Variants in CREB5 observed in about 807,000 individuals in gnomAD.
CREB5 encodes cyclic AMP-responsive element-binding protein 5.
Under a neutral mutation model 57.1 loss-of-function variants are expected in CREB5, and 19 were observed. That is an observed-to-expected ratio of 0.33 (90% confidence interval 0.23 to 0.49). The LOEUF is 0.49. CREB5 is among the 20% of genes least tolerant of loss of function. CREB5 has a pLI of 0.99. For missense variants in CREB5, 579 were observed against 671.6 expected, an observed-to-expected ratio of 0.86 and a Z score of 1.52; for synonymous variants, 238 against 238.3, an observed-to-expected ratio of 1.00 and a Z score of 0.01.
At chr7:28,332,439 G>A (rs1392380807) in intron 1 of CREB5, among the ~76,000 whole-genome samples, 1 of 152,150 alleles carries the variant, frequency 6.6e-6, no homozygotes, top group African/African-American at 2.4e-5. Flanking sequence ...TAAGTGCATA[G>A]CCTGATGACT....
intron 4 of CREB5, among the ~76,000 whole-genome samples, chr7:28,560,845 C>CGTGCGTGCGCGTGCGTGCGTGCGCGCGT: frequency 2.4e-5 from 1 of 41,362 alleles, no homozygotes; most frequent in South Asian, 7.9e-4. Flanking sequence ...TGTGTGTGTG[C>CGTGCGTGCGCGTGCGTGCGTGCGCGCGT]GCGTGTGTGT....
rs1194032158 is a variant in CREB5, at chr7:28,737,544, T to C, written c.702+13212T>C. Among the ~76,000 whole-genome samples, 7 of 6,286 alleles carry C rather than the reference T, an allele frequency of 1.1e-3. 1 individual carries two copies. The highest frequency in any genetic ancestry group is 7.4e-4 in the Non-Finnish European group (2 of 2,700). The allele number at this position is 6,286 out of a possible 152,430, so 4.1% of individuals were successfully genotyped here. Reference sequence around the variant, plus strand: ...GTATATATGTATATATATACGTATATATATATATATATATATATATATATA... The same window carrying C: ...GTATATATGTATATATATACGTATACATATATATATATATATATATATATA... On this transcript the variant is annotated intron_variant, in intron 7 of 10. Coordinates refer to ENST00000357727, the MANE Select transcript of CREB5 (RefSeq NM_182898.4).
intron 1 of CREB5, among the ~76,000 whole-genome samples, chr7:28,483,131 T>C (rs1791403186): frequency 6.6e-6 from 1 of 152,260 alleles, no homozygotes; most frequent in Non-Finnish European, 1.5e-5. Flanking sequence ...AATAGGTATT[T>C]ACAGTATATT....
chr7:28,806,382 G>A (rs1808733798), intron 8 of CREB5, among the ~76,000 whole-genome samples: 1 of 152,018 alleles, frequency 6.6e-6, no homozygotes, highest in Non-Finnish European at 1.5e-5. Flanking sequence ...GTATTAACTT[G>A]GCTGATTACT....
intron 5 of CREB5, among the ~76,000 whole-genome samples, chr7:28,600,382 T>TCACA (rs1554273277): frequency 2.0e-5 from 3 of 152,088 alleles, no homozygotes; most frequent in Non-Finnish European, 4.4e-5. Context: ...CTCACGAAGC[T>TCACA]CAGTGAACCT....
intron 1 of CREB5, among the ~76,000 whole-genome samples, chr7:28,330,126 T>C (rs866671581): frequency 1.9e-4 from 29 of 152,148 alleles, no homozygotes; most frequent in African/African-American, 6.8e-4. Flanking sequence ...CATCTGCAAA[T>C]CATTGTGCAA....
At chr7:28,314,972 C>T (rs1785348615) in intron 1 of CREB5, among the ~76,000 whole-genome samples, 1 of 152,174 alleles carries the variant, frequency 6.6e-6, no homozygotes. Flanking sequence ...GTGACAGGAA[C>T]ATATTTTCCT....
chr7:28,428,380 A>G (rs1171596392), intron 1 of CREB5, among the ~76,000 whole-genome samples: 2 of 152,256 alleles, frequency 1.3e-5, no homozygotes, highest in South Asian at 2.1e-4. Context: ...TGGTTGGAGG[A>G]TCGACTGTGT....
intron 7 of CREB5, among the ~76,000 whole-genome samples, chr7:28,771,427 G>A (rs1378746645): frequency 6.6e-6 from 1 of 152,188 alleles, no homozygotes; most frequent in Admixed American, 6.5e-5. Context: ...GCTGCCTGAT[G>A]TGGACACGGG....
At chr7:28,701,387 A>C (rs1228838617) in intron 5 of CREB5, among the ~76,000 whole-genome samples, 1 of 152,340 alleles carries the variant, frequency 6.6e-6, no homozygotes, top group South Asian at 2.1e-4. Flanking sequence ...AATTCCATCA[A>C]TGGCAGATAA....
intron 1 of CREB5, among the ~76,000 whole-genome samples, chr7:28,327,110 T>G (rs1785621928): frequency 6.8e-6 from 1 of 147,534 alleles, no homozygotes. Context: ...GGTCAACCCA[T>G]TGCACTCCAG....
intron 5 of CREB5, among the ~76,000 whole-genome samples, chr7:28,612,977 T>C (rs1583418398): frequency 6.6e-6 from 1 of 152,296 alleles, no homozygotes; most frequent in East Asian, 1.9e-4. Context: ...ATGTAGTCGT[T>C]ATGGGAAAAG....
At chr7:28,439,321 C>T (rs1789090003) in intron 1 of CREB5, among the ~76,000 whole-genome samples, 1 of 152,172 alleles carries the variant, frequency 6.6e-6, no homozygotes, top group Non-Finnish European at 1.5e-5. Context: ...CCTGATTCCT[C>T]TCCATGTATA....
At chr7:28,657,208 T>A (rs1799365675) in intron 5 of CREB5, among the ~76,000 whole-genome samples, 1 of 152,164 alleles carries the variant, frequency 6.6e-6, no homozygotes, top group Non-Finnish European at 1.5e-5. Flanking sequence ...TTTCATGCCA[T>A]GTGTTGGAGA....
At chr7:28,305,389 C>T (rs566643708) in intron 1 of CREB5, among the ~76,000 whole-genome samples, 1 of 152,308 alleles carries the variant, frequency 6.6e-6, no homozygotes, top group East Asian at 1.9e-4. Context: ...ACTGGACATG[C>T]CTGGAGGCCA....
intron 7 of CREB5, among the ~76,000 whole-genome samples, chr7:28,764,876 T>C (rs986277217): frequency 1.6e-4 from 24 of 152,228 alleles, no homozygotes; most frequent in African/African-American, 5.1e-4. Flanking sequence ...TTTCACTTTG[T>C]TACCGTCTCA....
intron 5 of CREB5, among the ~76,000 whole-genome samples, chr7:28,624,258 C>T (rs933039264): frequency 6.6e-6 from 1 of 152,174 alleles, no homozygotes; most frequent in African/African-American, 2.4e-5. Flanking sequence ...TTTACTATTT[C>T]ATTTTAATGT....
At chr7:28,373,057 C>T (rs1188813327) in intron 1 of CREB5, among the ~76,000 whole-genome samples, 3 of 152,122 alleles carry the variant, frequency 2.0e-5, no homozygotes, top group Non-Finnish European at 4.4e-5. Flanking sequence ...CTCTGGGCCT[C>T]GGTTTCCTCA....
At chr7:28,753,498 C>A (rs1235050663) in intron 7 of CREB5, among the ~76,000 whole-genome samples, 7 of 152,074 alleles carry the variant, frequency 4.6e-5, no homozygotes, top group African/African-American at 1.7e-4. Context: ...TTTTCCAATT[C>A]TTGTGCTATA....
Sources: allele counts gnomAD v4.1 joint callset (sites outside exome capture counted in the v4.1 genomes callset), GRCh38; gene constraint gnomAD v4.1.1; transcripts MANE v1.5; gene names NCBI Gene and HGNC (gene_info 2026-07-23, HGNC 2026-07-21).